The following MSN variants were observed in gnomAD, a reference collection of about 807,000 sequenced individuals.
The protein encoded by MSN is moesin, also known as epididymis luminal protein 70.
In MSN, 2 loss-of-function variants were observed where a neutral mutation model predicts 48.0. That is an observed-to-expected ratio of 0.04 (90% CI 0.02 to 0.13). The LOEUF (loss-of-function observed/expected upper bound fraction) is 0.13, where lower values mean the gene tolerates loss of function less well. Ranked by LOEUF, MSN falls within the 10% of genes least tolerant of loss-of-function variation. MSN has a pLI of 1.00. For synonymous variants in MSN, 146 were observed against 166.9 expected, an observed-to-expected ratio of 0.87 and a Z score of 0.97; for missense variants, 267 against 470.1, an observed-to-expected ratio of 0.57 and a Z score of 3.99.
chrX:65,651,019 G>A (rs1334941312), intron 1 of MSN, among the ~76,000 whole-genome samples: 9 of 111,551 alleles, frequency 8.1e-5, no homozygotes, highest in African/African-American at 9.8e-5. Flanking sequence ...GTGCCCACGC[G>A]GGTAATCTAG....
chrX:65,613,920 G>T (rs1338765538), intron 1 of MSN, among the ~76,000 whole-genome samples: 1 of 111,753 alleles, frequency 8.9e-6, no homozygotes, highest in Admixed American at 9.5e-5. Context: ...AATTGCTTTT[G>T]GTGTTTTAGT....
intron 1 of MSN, among the ~76,000 whole-genome samples, chrX:65,698,385 T>C (rs1227462880): frequency 8.9e-6 from 1 of 111,909 alleles, no homozygotes; most frequent in Admixed American, 9.4e-5. Context: ...TGTGATTCTT[T>C]ATGACAGCCT....
intron 1 of MSN, among the ~76,000 whole-genome samples, chrX:65,600,017 A>G (rs963129955): frequency 9.1e-6 from 1 of 109,928 alleles, no homozygotes; most frequent in African/African-American, 3.3e-5. Context: ...ACAGATAGGT[A>G]ATAAGAATCT....
chrX:65,721,713 CA>C (rs1162488903), intron 2 of MSN, among the ~76,000 whole-genome samples: 1 of 111,764 alleles, frequency 8.9e-6, no homozygotes, highest in African/African-American at 3.3e-5. Flanking sequence ...GGGCACATAG[CA>C]TTTCCAGTTT....
chrX:65,644,926 C>G (rs1474308757), intron 1 of MSN, among the ~76,000 whole-genome samples: 6 of 112,514 alleles, frequency 5.3e-5, no homozygotes, highest in Non-Finnish European at 1.1e-4. Context: ...TTTAAATAGC[C>G]ACTCATAACT....
intron 1 of MSN, chrX:65,625,514 A>C (rs754631682): frequency 8.9e-6 from 1 of 112,348 alleles, no homozygotes; most frequent in Non-Finnish European, 1.9e-5. Flanking sequence ...TGACCCTTTT[A>C]TCAATATATA....
intron 1 of MSN, chrX:65,625,457 CTGTT>C (rs1303176504): frequency 3.6e-5 from 4 of 112,058 alleles, no homozygotes; most frequent in Admixed American, 9.5e-5. Flanking sequence ...GAGGTTTTAA[CTGTT>C]TGTTGCACAT....
intron 1 of MSN, among the ~76,000 whole-genome samples, chrX:65,669,409 G>A (rs1214093092): frequency 2.7e-5 from 3 of 111,413 alleles, no homozygotes; most frequent in Non-Finnish European, 5.7e-5. Flanking sequence ...TTCTGTAGTG[G>A]CATATCTCAT....
At chrX:65,715,005 A>C (rs1031978315) in intron 1 of MSN, among the ~76,000 whole-genome samples, 2 of 112,095 alleles carry the variant, frequency 1.8e-5, no homozygotes, top group Non-Finnish European at 3.8e-5. Flanking sequence ...TATGTGAGAT[A>C]AGGATGGGGT....
At chrX:65,650,148 C>T (rs1413649913) in intron 1 of MSN, among the ~76,000 whole-genome samples, 1 of 103,572 alleles carries the variant, frequency 9.7e-6, no homozygotes, top group Non-Finnish European at 2.0e-5. Context: ...CTGCAAACTC[C>T]CCCTCCTGGA....
At position 65,741,574 on chromosome X, in the gene MSN, C is replaced by G. The variant is rs184455328; in HGVS notation, c.*1681C>G. 1.6e-3 allele frequency: 276 copies of G among 169,638 alleles called. 1 individual carries two copies. The highest frequency in any genetic ancestry group is 7.6e-3 in the African/African-American group (255 of 33,483). 14.0% of individuals were successfully genotyped at this position (169,638 alleles called of 1,213,427 possible). A position where few individuals can be genotyped will look rare whatever the true frequency, so the allele number is the denominator to read the frequency against. On this transcript the variant is annotated 3_prime_UTR_variant, in exon 13 of 13. Coordinates refer to ENST00000360270, the MANE Select transcript of MSN (RefSeq NM_002444.3). Reference sequence around the variant, plus strand: ...TGTCTTCTCCCCAGGGTTCAGTCCTCAAGGGGCCATCCTGTCCCACCATGC... The same window carrying G: ...TGTCTTCTCCCCAGGGTTCAGTCCTGAAGGGGCCATCCTGTCCCACCATGC...
At chrX:65,648,924 A>G (rs1006190585) in intron 1 of MSN, among the ~76,000 whole-genome samples, 26 of 110,104 alleles carry the variant, frequency 2.4e-4, no homozygotes, top group African/African-American at 7.8e-4. Context: ...AAATAAAATA[A>G]AATAAAAAAG....
chrX:65,716,633 AT>A lies in MSN; in HGVS notation c.13-184del, dbSNP rs778781816. ...TCTGTGGCTGTGTTGTTTGTCTTCA[AT>A]AAGCTGCTTGGGAGCAGGGGTTGTG... On this transcript the variant is annotated intron_variant, in intron 1 of 12. Coordinates refer to ENST00000360270, the MANE Select transcript of MSN (RefSeq NM_002444.3). The A allele has an allele frequency of 1.6e-4, 74 of 457,650 alleles. No homozygotes were observed. The Middle Eastern group carries it at 3.4e-3, about 21-fold the overall frequency. 37.7% of individuals were successfully genotyped at this position (457,650 alleles called of 1,213,427 possible). A position where few individuals can be genotyped will look rare whatever the true frequency, so the allele number is the denominator to read the frequency against.
upstream of MSN, among the ~76,000 whole-genome samples, chrX:65,664,659 C>T (rs150192121): frequency 0.013 from 1,461 of 108,235 alleles, 37 homozygotes; most frequent in African/African-American, 0.047. Flanking sequence ...GAGGTCCAAC[C>T]TCATCTTTCT....
At chrX:65,667,505 C>T (rs2070884311), upstream of MSN, 3 of 450,720 alleles carry the variant, frequency 6.7e-6, no homozygotes, top group Non-Finnish European at 8.3e-6. Flanking sequence ...AGCCGGGCCC[C>T]CCACGTGGCC....
intron 1 of MSN, among the ~76,000 whole-genome samples, chrX:65,647,779 G>A (rs774379702): frequency 1.8e-5 from 2 of 112,009 alleles, no homozygotes; most frequent in East Asian, 5.6e-4. Context: ...GAGAGAGTTG[G>A]TAGAGAGAGG....
intron 1 of MSN, among the ~76,000 whole-genome samples, chrX:65,613,032 G>A (rs1049498682): frequency 4.5e-5 from 5 of 110,662 alleles, no homozygotes; most frequent in Admixed American, 2.9e-4. Flanking sequence ...CCCTCCCCTT[G>A]CCCCCAACCC....
rs181598193 is a variant in MSN, at chrX:65,721,134, T to G, written c.96+4233T>G. Among the ~76,000 whole-genome samples, 13 of 111,602 alleles carry G rather than the reference T, an allele frequency of 1.2e-4. No homozygotes were observed. The Admixed American group carries it at 1.2e-3, about 11-fold the overall frequency. ...ATCTCTGTTCTTCAGGAACTTGGAG[T>G]TCCTTACCTATAAAAGCATAGAAAG... is the stretch of plus-strand genomic sequence containing the variant. On this transcript the variant is annotated intron_variant, in intron 2 of 12. Transcript: ENST00000360270.
At chrX:65,617,653 AC>A (rs1255482099) in intron 1 of MSN, among the ~76,000 whole-genome samples, 1 of 96,807 alleles carries the variant, frequency 1.0e-5, no homozygotes, top group African/African-American at 4.3e-5. Flanking sequence ...CTTTCAAAAA[AC>A]CAGCTCCTGG....
Sources: allele counts gnomAD v4.1 joint callset (sites outside exome capture counted in the v4.1 genomes callset), GRCh38; gene constraint gnomAD v4.1.1; transcripts MANE v1.5; gene names NCBI Gene and HGNC (gene_info 2026-07-23, HGNC 2026-07-21).